The following UNC79 variants were observed in gnomAD, a reference collection of about 807,000 sequenced individuals.
The protein encoded by UNC79 is unc-79 subunit of NALCN channel complex.
UNC79 carries 37 observed loss-of-function variants against 283.1 expected under a neutral mutation model. The ratio of observed to expected loss-of-function variants is 0.13; its 90% CI spans 0.10 to 0.17. The LOEUF (loss-of-function observed/expected upper bound fraction) is 0.17, where lower values mean the gene tolerates loss of function less well. Ranked by LOEUF, UNC79 falls within the 10% of genes least tolerant of loss-of-function variation. UNC79 has a pLI of 1.00. For synonymous variants in UNC79, 1,107 were observed against 1,200.2 expected, an observed-to-expected ratio of 0.92 and a Z score of 1.61; for missense variants, 2,272 against 3,211.1, an observed-to-expected ratio of 0.71 and a Z score of 7.07.
chr14:93,569,488 T>A (rs1276344841), intron 14 of UNC79, among the ~76,000 whole-genome samples: 1 of 152,170 alleles, frequency 6.6e-6, no homozygotes, highest in Non-Finnish European at 1.5e-5. Flanking sequence ...TTCTTGAGAA[T>A]TTAGTTCTGG....
At chr14:93,643,480 G>GGTAAATATA in intron 33 of UNC79, 77 bp from the exon 37 acceptor site, 1 of 1,607,018 alleles carries the variant, frequency 6.2e-7, no homozygotes, top group South Asian at 1.1e-5. Context: ...ACTAAAAACA[G>GGTAAATATA]CCGTGTGTGT....
chr14:93,370,558 G>T (rs1156381029), intron 1 of UNC79, among the ~76,000 whole-genome samples: 1 of 152,186 alleles, frequency 6.6e-6, no homozygotes, highest in Admixed American at 6.5e-5. Flanking sequence ...AGATCACGAG[G>T]TCAGGAGATC....
intron 7 of UNC79, among the ~76,000 whole-genome samples, chr14:93,503,659 C>T (rs1189647354): frequency 6.6e-6 from 1 of 151,962 alleles, no homozygotes; most frequent in Non-Finnish European, 1.5e-5. Context: ...ACTAGTGAAG[C>T]TGAACATTTC....
intron 1 of UNC79, among the ~76,000 whole-genome samples, chr14:93,388,344 A>G (rs566915090): frequency 6.6e-6 from 1 of 152,316 alleles, no homozygotes; most frequent in East Asian, 1.9e-4. Flanking sequence ...ATGGACATGC[A>G]TACCCTTCCT....
At chr14:93,600,542 CT>C (rs551722750) in intron 24 of UNC79, 26 bp from the exon 25 acceptor site, 22,132 of 1,084,724 alleles carry the variant, frequency 0.02, no homozygotes, top group South Asian at 0.033. Context: ...TTCTTCTTTT[CT>C]TTTTTTTTTT....
At chr14:93,611,131 A>T (rs2066271967) in intron 26 of UNC79, among the ~76,000 whole-genome samples, 1 of 152,156 alleles carries the variant, frequency 6.6e-6, no homozygotes, top group Non-Finnish European at 1.5e-5. Flanking sequence ...TTAACAATTT[A>T]TTGATCACCC....
intron 1 of UNC79, among the ~76,000 whole-genome samples, chr14:93,461,024 T>C (rs2056947140): frequency 6.6e-6 from 1 of 152,156 alleles, no homozygotes; most frequent in Admixed American, 6.5e-5. Flanking sequence ...GATATAGAAG[T>C]GCATAGAAAG....
chr14:93,365,564 A>G (rs1595392059), intron 1 of UNC79, among the ~76,000 whole-genome samples: 2 of 152,152 alleles, frequency 1.3e-5, no homozygotes, highest in Non-Finnish European at 1.5e-5. Flanking sequence ...AGATTTGACA[A>G]TGGAACATCC....
Position 93,430,715 on chromosome 14 carries a change from C to A in UNC79, c.-315C>A, listed in dbSNP as rs1351118878. On this transcript the variant is annotated 5_prime_UTR_variant, in exon 1 of 49. Transcript: ENST00000555664. The surrounding 1 kb of genome is among the most constrained non-coding windows in gnomAD (Gnocchi z 4.6). Reference sequence around the variant, plus strand: ...CATTTTCCCATTTCACCAGGAGCCGCAGCCTGCTCTCTCCTTTCGGTCTCC... The same window carrying A: ...CATTTTCCCATTTCACCAGGAGCCGAAGCCTGCTCTCTCCTTTCGGTCTCC... 3.5e-6 allele frequency: 1 copy of A among 288,798 alleles called. No individual in the cohort carries two copies. 17.9% of individuals were successfully genotyped at this position (288,798 alleles called of 1,614,324 possible). A position where few individuals can be genotyped will look rare whatever the true frequency, so the allele number is the denominator to read the frequency against.
intron 14 of UNC79, among the ~76,000 whole-genome samples, chr14:93,561,226 T>A (rs2062527770): frequency 6.6e-6 from 1 of 152,082 alleles, no homozygotes; most frequent in Non-Finnish European, 1.5e-5. Flanking sequence ...TTCCAGTGGG[T>A]CTTTGCTGAG....
At chr14:93,662,333 T>C (rs529287998) in intron 39 of UNC79, among the ~76,000 whole-genome samples, 1 of 151,912 alleles carries the variant, frequency 6.6e-6, no homozygotes, top group Non-Finnish European at 1.5e-5. Flanking sequence ...GAAGACAGGG[T>C]TGTAGTAAGG....
At chr14:93,356,091 G>T (rs931625579) in intron 1 of UNC79, among the ~76,000 whole-genome samples, 28 of 149,446 alleles carry the variant, frequency 1.9e-4, no homozygotes, top group African/African-American at 4.2e-4. Context: ...GCAGTGATGC[G>T]ATTTAGGCTC....
At chr14:93,603,250 G>C (rs757400272) in exon 26 of UNC79, 1 of 1,614,142 alleles carries the variant, frequency 6.2e-7, no homozygotes. Context: ...CATCACTGCT[G>C]TGAGGACCAA....
chr14:93,347,441 T>G, intron 1 of UNC79: 1 of 1,406,428 alleles, frequency 7.1e-7, no homozygotes, highest in Non-Finnish European at 9.2e-7. Context: ...CGCGTGGCCC[T>G]GGCGGGGCGC....
intron 4 of UNC79, among the ~76,000 whole-genome samples, chr14:93,478,389 G>GA (rs1233882375): frequency 3.9e-5 from 6 of 151,962 alleles, no homozygotes; most frequent in South Asian, 2.1e-4. Context: ...CGCACAAAGA[G>GA]AAAAAAATAT....
intron 1 of UNC79, among the ~76,000 whole-genome samples, chr14:93,378,868 A>G (rs2054611522): frequency 6.6e-6 from 1 of 152,224 alleles, no homozygotes. Context: ...GTATTTAAGA[A>G]AAAGCGAAAA....
chr14:93,501,456 A>G (rs549235059), intron 7 of UNC79, among the ~76,000 whole-genome samples: 112 of 152,138 alleles, frequency 7.4e-4, no homozygotes, highest in Admixed American at 1.4e-3. Flanking sequence ...TTGGGAGGCC[A>G]AGGTGTGCAA....
intron 1 of UNC79, among the ~76,000 whole-genome samples, chr14:93,409,441 A>G (rs894075230): frequency 6.6e-6 from 1 of 152,238 alleles, no homozygotes; most frequent in Non-Finnish European, 1.5e-5. Flanking sequence ...CTATAATTCC[A>G]GTGCTTTGGG....
intron 7 of UNC79, among the ~76,000 whole-genome samples, chr14:93,519,920 A>G (rs946028484): frequency 5.3e-5 from 8 of 151,868 alleles, no homozygotes; most frequent in Non-Finnish European, 1.2e-4. Context: ...TTAAATAATC[A>G]ACCATCTTTT....
Sources: gnomAD v4.1 joint callset for allele counts (sites outside exome capture counted in the v4.1 genomes callset) on GRCh38, gnomAD v4.1.1 for gene constraint, Gnocchi (gnomAD v3.1) non-coding constraint, MANE v1.5 for transcripts, NCBI Gene and HGNC (gene_info 2026-07-23, HGNC 2026-07-21) for gene names.